Variants in DPP6 observed in about 807,000 individuals in gnomAD.
DPP6 encodes the protein dipeptidyl peptidase like 6.
DPP6 carries 69 observed loss-of-function variants against 122.6 expected under a neutral mutation model. The ratio of observed to expected loss-of-function variants is 0.56; its 90% CI spans 0.46 to 0.69. The LOEUF is 0.69. Among genes scored for constraint, DPP6 ranks in the 30% least tolerant of loss-of-function variants. The probability of loss-of-function intolerance (pLI) is 0.00; values close to 1 mark genes in which losing one functional copy is unlikely to be tolerated. For synonymous variants in DPP6, 418 were observed against 433.1 expected (o/e 0.97, Z 0.43); for missense variants, 928 against 1,116.9 (o/e 0.83, Z 2.41).
chr7:154,234,406 C>T (rs1332628835), intron 1 of DPP6, among the ~76,000 whole-genome samples: 1 of 152,182 alleles, frequency 6.6e-6, no homozygotes, highest in Non-Finnish European at 1.5e-5. Context: ...TTTAACATCT[C>T]TCTCTATGGT....
the DPP6 span, among the ~76,000 whole-genome samples, chr7:153,767,006 G>A: frequency 6.6e-6 from 1 of 151,992 alleles, no homozygotes; most frequent in South Asian, 2.1e-4. Flanking sequence ...GGAAAGTCAA[G>A]AAAAAGATTG....
intron 1 of DPP6, among the ~76,000 whole-genome samples, chr7:154,429,564 G>T (rs753645886): frequency 1.3e-5 from 2 of 152,168 alleles, no homozygotes; most frequent in African/African-American, 4.8e-5. Context: ...AAGAGGCTTC[G>T]TGAACTCGGG....
chr7:153,887,524 C>T, exon 1 of DPP6: 1 of 707,966 alleles, frequency 1.4e-6, no homozygotes, highest in Non-Finnish European at 2.5e-6. Context: ...GGCAGGGGTG[C>T]GCGGAGGTGA....
intron 1 of DPP6, among the ~76,000 whole-genome samples, chr7:154,271,725 C>T (rs975744426): frequency 3.3e-5 from 5 of 152,156 alleles, no homozygotes; most frequent in African/African-American, 1.2e-4. Flanking sequence ...GGGGTCAAAG[C>T]TAGATACAAG....
At chr7:154,587,781 T>C (rs1296227703) in intron 5 of DPP6, 2 of 1,609,570 alleles carry the variant, frequency 1.2e-6, no homozygotes, top group East Asian at 2.2e-5. Flanking sequence ...TGTCTCTTCC[T>C]CTTCACTGCC....
intron 3 of DPP6, among the ~76,000 whole-genome samples, chr7:154,535,087 C>CAAA (rs34703649): frequency 3.4e-4 from 51 of 149,952 alleles, no homozygotes; most frequent in Admixed American, 1.6e-3. Context: ...TCATTTTTGA[C>CAAA]AAAAAAAAAT....
rs1432187103 is a variant in DPP6 at position 154,676,423 on chromosome 7, C to T, written c.762+6982C>T. On this transcript the variant is annotated intron_variant, in intron 7 of 25. Transcript: ENST00000377770. Reference sequence around the variant, plus strand: ...CGGCTACAGCCTTACAGCATGCTGTCTGGAGGTCCAGCTGCCCTTCCCCAT... The same window carrying T: ...CGGCTACAGCCTTACAGCATGCTGTTTGGAGGTCCAGCTGCCCTTCCCCAT... 1.7e-5 allele frequency among the ~76,000 whole-genome samples: 2 copies of T among 117,282 alleles called. 1 individual carries two copies. The highest frequency in any genetic ancestry group is 4.3e-4 in the East Asian group (2 of 4,684). The allele number at this position is 117,282 out of a possible 152,430, so 76.9% of individuals were successfully genotyped here. A position where few individuals can be genotyped will look rare whatever the true frequency, so the allele number is the denominator to read the frequency against.
intron 1 of DPP6, among the ~76,000 whole-genome samples, chr7:154,061,726 G>C (rs1231878867): frequency 1.2e-4 from 11 of 91,136 alleles, no homozygotes; most frequent in African/African-American, 3.6e-4. Flanking sequence ...GCGAGGCGGG[G>C]ACTGCGAACC....
the DPP6 span, among the ~76,000 whole-genome samples, chr7:153,846,218 G>A: frequency 2.0e-5 from 3 of 152,146 alleles, no homozygotes; most frequent in Non-Finnish European, 4.4e-5. Flanking sequence ...AACTTATAAT[G>A]TCAAGCAGCT....
At chr7:153,997,960 G>A (rs998956412) in intron 1 of DPP6, among the ~76,000 whole-genome samples, 7 of 151,718 alleles carry the variant, frequency 4.6e-5, no homozygotes, top group Admixed American at 1.3e-4. Context: ...ATGGAAGGTC[G>A]CCCTGTTGAA....
intron 5 of DPP6, among the ~76,000 whole-genome samples, chr7:154,594,400 T>C (rs1340131444): frequency 6.6e-6 from 1 of 152,164 alleles, no homozygotes; most frequent in Non-Finnish European, 1.5e-5. Context: ...TATCCTCAGT[T>C]TCTTGCCCCA....
intron 1 of DPP6, among the ~76,000 whole-genome samples, chr7:154,108,381 T>A (rs1165149857): frequency 1.3e-5 from 2 of 152,178 alleles, no homozygotes; most frequent in Non-Finnish European, 2.9e-5. Context: ...GGATACACAG[T>A]CATCTCAGGG....
chr7:153,763,899 A>G, the DPP6 span, among the ~76,000 whole-genome samples: 1 of 151,968 alleles, frequency 6.6e-6, no homozygotes, highest in Non-Finnish European at 1.5e-5. Context: ...TGTGTAATGT[A>G]CAAAGTACCT....
At chr7:154,572,510 C>CTTTTTTT (rs77816407) in intron 5 of DPP6, among the ~76,000 whole-genome samples, 9 of 86,142 alleles carry the variant, frequency 1.0e-4, no homozygotes, top group Non-Finnish European at 1.3e-4. Context: ...TTTTTCTTTT[C>CTTTTTTT]TTTTTTTTTT....
At chr7:154,885,867 C>G in intron 22 of DPP6, 123 bp downstream of exon 22, 1 of 1,312,550 alleles carries the variant, frequency 7.6e-7, no homozygotes, top group African/African-American at 1.5e-5. Context: ...GCCTCCAGGC[C>G]ACAGTCACCA....
chr7:154,850,921 G>A (rs60610857), intron 16 of DPP6, among the ~76,000 whole-genome samples: 3,583 of 152,142 alleles, frequency 0.024, 140 homozygotes, highest in African/African-American at 0.081. Context: ...AGAGCAATAC[G>A]GTGTGTAATG....
At chr7:154,321,321 T>C (rs1807934852) in intron 1 of DPP6, among the ~76,000 whole-genome samples, 1 of 151,488 alleles carries the variant, frequency 6.6e-6, no homozygotes, top group African/African-American at 2.4e-5. Context: ...CAAAACCTGC[T>C]CTCCATGTAT....
rs1585009776 is a variant in DPP6, at chr7:153,904,525, G to A, written c.51+16791G>A. On this transcript the variant is annotated intron_variant, in intron 1 of 25. Transcript: ENST00000404039. ...TGAGGGGGAGGGCAGAAAGGGTATA[G>A]TGGTAACAGTGAGCACTTTGAATCT... 3.3e-5 allele frequency among the ~76,000 whole-genome samples: 5 copies of A among 152,342 alleles called. No individual in the cohort carries two copies. In the South Asian group the frequency reaches 1.0e-3, roughly 32 times the overall value.
chr7:154,698,884 G>A (rs1392421989), intron 7 of DPP6, among the ~76,000 whole-genome samples: 1 of 152,202 alleles, frequency 6.6e-6, no homozygotes, highest in Non-Finnish European at 1.5e-5. Context: ...TCATCCTCTA[G>A]GAGGCACTAA....
Sources: gnomAD v4.1 joint callset for allele counts (sites outside exome capture counted in the v4.1 genomes callset) on GRCh38, gnomAD v4.1.1 for gene constraint, MANE v1.5 for transcripts, NCBI Gene and HGNC (gene_info 2026-07-23, HGNC 2026-07-21) for gene names.